Variants in CTDP1 observed in about 807,000 individuals in gnomAD.
CTDP1 encodes CTD phosphatase 1, also known as RNA polymerase II subunit A C-terminal domain phosphatase.
A neutral mutation model predicts 91.8 loss-of-function variants in CTDP1; 47 were observed. The ratio of observed to expected loss-of-function variants is 0.51; its 90% CI spans 0.41 to 0.65. The LOEUF is 0.65. Among genes scored for constraint, CTDP1 ranks in the 30% least tolerant of loss-of-function variants. CTDP1 has a pLI of 0.00. For missense variants in CTDP1, 1,272 were observed against 1,373.7 expected, an observed-to-expected ratio of 0.93 and a Z score of 1.17; for synonymous variants, 656 against 598.5, an observed-to-expected ratio of 1.10 and a Z score of -1.40.
intron 5 of CTDP1, among the ~76,000 whole-genome samples, chr18:79,705,906 G>A (rs1215433983): frequency 1.3e-5 from 2 of 152,220 alleles, no homozygotes; most frequent in Admixed American, 6.5e-5. Context: ...GGCTGCTGCT[G>A]CATAGCTGCC....
At chr18:79,705,443 A>G (rs1262541459) in intron 5 of CTDP1, among the ~76,000 whole-genome samples, 1 of 151,656 alleles carries the variant, frequency 6.6e-6, no homozygotes, top group African/African-American at 2.4e-5. Flanking sequence ...TGACTGTCCC[A>G]TGTGGATGCA....
intron 12 of CTDP1, among the ~76,000 whole-genome samples, chr18:79,747,157 C>T (rs925431937): frequency 3.3e-5 from 5 of 152,180 alleles, no homozygotes; most frequent in Admixed American, 3.3e-4. Flanking sequence ...GCAATTCTTA[C>T]CCTAAAATAG....
chr18:79,710,907 T>C (rs889752921), intron 6 of CTDP1, among the ~76,000 whole-genome samples: 5 of 152,070 alleles, frequency 3.3e-5, no homozygotes, highest in African/African-American at 1.2e-4. Flanking sequence ...CAGTTTTCAT[T>C]GTTAGCCTCA....
chr18:79,735,087 G>A (rs759138313), intron 11 of CTDP1, among the ~76,000 whole-genome samples: 3 of 152,186 alleles, frequency 2.0e-5, no homozygotes, highest in African/African-American at 4.8e-5. Flanking sequence ...GTGGGCTCGG[G>A]GGCTGAGCTG....
At chr18:79,694,796 C>T (rs1236413348) in intron 1 of CTDP1, among the ~76,000 whole-genome samples, 1 of 152,182 alleles carries the variant, frequency 6.6e-6, no homozygotes, top group Non-Finnish European at 1.5e-5. Flanking sequence ...GTCATTTTGT[C>T]AGGAAAATGT....
chr18:79,703,553 A>G (rs533877646), intron 4 of CTDP1: 1 of 152,280 alleles, frequency 6.6e-6, no homozygotes, highest in Non-Finnish European at 1.5e-5. Flanking sequence ...CCCATGCGTT[A>G]TACCAGGTTA....
In CTDP1 at chr18:79,713,055, CTG is replaced by C. The variant is rs1424670562; in HGVS notation, c.950_951del (p.Val317GlufsTer11). On this transcript the variant is annotated frameshift_variant, in exon 7 of 13. Coordinates refer to ENST00000613122, the MANE Select transcript of CTDP1 (RefSeq NM_004715.5). LOFTEE classifies it high-confidence loss of function. The surrounding 1 kb of genome is among the most constrained non-coding windows in gnomAD (Gnocchi z 4.7). ...TGGAAGTTTGCCCCCAATCTGATAA[CTG>C]TGAAGAAATATGTATACTTCCAGGG... The C allele has an allele frequency of 6.2e-7, 1 of 1,614,138 alleles. No individual in the cohort carries two copies. Among genetic ancestry groups the C allele is most frequent in the Non-Finnish European group, 8.5e-7 (1 of 1,180,016 alleles).
intron 3 of CTDP1, 34 bp from the exon 4 acceptor site, chr18:79,697,826 G>A: frequency 6.2e-7 from 1 of 1,613,990 alleles, no homozygotes; most frequent in Non-Finnish European, 8.5e-7. Context: ...CAAACATACT[G>A]ACTTTGTCAT....
In CTDP1 at chr18:79,689,500, A is replaced by G. The variant is rs1401906286; in HGVS notation, c.315-5725A>G. Among the ~76,000 whole-genome samples the G allele has an allele frequency of 4.0e-5, 6 of 151,336 alleles. No individual in the cohort carries two copies. In the East Asian group the frequency reaches 1.2e-3, roughly 29 times the overall value. On this transcript the variant is annotated intron_variant, in intron 1 of 12. Coordinates refer to ENST00000613122, the MANE Select transcript of CTDP1 (RefSeq NM_004715.5). ...GGTTGACTTTCTGCCGTAAGAACAA[A>G]TAAGGCCAGGCGTAGTGGCTCACGC...
At chr18:79,735,068 G>A (rs887343540) in intron 11 of CTDP1, among the ~76,000 whole-genome samples, 4 of 152,170 alleles carry the variant, frequency 2.6e-5, no homozygotes, top group Admixed American at 6.5e-5. Context: ...TGGATGCGTC[G>A]GCCTCCATGT....
intron 1 of CTDP1, among the ~76,000 whole-genome samples, chr18:79,686,296 T>C (rs2085491865): frequency 6.6e-6 from 1 of 152,232 alleles, no homozygotes; most frequent in Non-Finnish European, 1.5e-5. Flanking sequence ...AGTATCTGGG[T>C]ACAGAGGAAT....
chr18:79,690,450 G>A (rs2085597243), intron 1 of CTDP1, among the ~76,000 whole-genome samples: 1 of 152,126 alleles, frequency 6.6e-6, no homozygotes, highest in Admixed American at 6.5e-5. Context: ...TCTTTGGTTG[G>A]GTGTTTTTAC....
Position 79,752,208 on chromosome 18 carries a change from A to T in CTDP1, c.2748-1444A>T, listed in dbSNP as rs187974287. On this transcript the variant is annotated intron_variant, in intron 12 of 12. Transcript: ENST00000613122. The stretch of plus-strand genomic sequence containing the variant: ...GAAAACCTAGTGGCACTGGCTGGTT[A>T]TGCAGAGGCTCGTAAGGAAAGCCTA... 2.0e-5 allele frequency among the ~76,000 whole-genome samples: 3 copies of T among 152,240 alleles called. No homozygotes were observed. In the East Asian group the frequency reaches 5.8e-4, roughly 29 times the overall value.
chr18:79,721,475 C>G (rs1026013985), intron 10 of CTDP1, among the ~76,000 whole-genome samples: 3 of 152,156 alleles, frequency 2.0e-5, no homozygotes, highest in African/African-American at 7.2e-5. Context: ...GATGGCAGGA[C>G]AGATACGTGC....
At chr18:79,755,287 A>G (rs1357367478), downstream of CTDP1, 2 of 151,996 alleles carry the variant, frequency 1.3e-5, no homozygotes, top group South Asian at 2.1e-4. Context: ...TCACCACCCA[A>G]CCCACCTGTG....
chr18:79,701,529 TTAAATAAA>T (rs146187493), intron 4 of CTDP1, among the ~76,000 whole-genome samples: 59,209 of 143,160 alleles, frequency 0.41, 13,161 homozygotes, highest in Non-Finnish European at 0.5. Context: ...AATAAATAAA[TTAAATAAA>T]TAAATAAATA....
chr18:79,680,442 A>T (rs2085337992), intron 1 of CTDP1, among the ~76,000 whole-genome samples, 181 bp downstream of exon 1: 1 of 152,232 alleles, frequency 6.6e-6, no homozygotes, highest in South Asian at 2.1e-4. Context: ...GGTTTTACCA[A>T]CGGGGAGCAT....
At chr18:79,709,409 G>A (rs1456277568) in intron 5 of CTDP1, among the ~76,000 whole-genome samples, 2 of 152,232 alleles carry the variant, frequency 1.3e-5, no homozygotes, top group Non-Finnish European at 2.9e-5. Flanking sequence ...GAGCAGAGGT[G>A]ATCCCAAGAA....
At chr18:79,743,877 G>A (rs1056160165) in intron 12 of CTDP1, among the ~76,000 whole-genome samples, 5 of 152,226 alleles carry the variant, frequency 3.3e-5, no homozygotes, top group African/African-American at 1.2e-4. Context: ...TCATGAAACT[G>A]AAGGGAAAAG....
Sources: allele counts gnomAD v4.1 joint callset (sites outside exome capture counted in the v4.1 genomes callset), GRCh38; gene constraint gnomAD v4.1.1; non-coding constraint Gnocchi (gnomAD v3.1); transcripts MANE v1.5; gene names NCBI Gene and HGNC (gene_info 2026-07-23, HGNC 2026-07-21).